The following SPRED1 variants were observed in gnomAD, a reference collection of about 807,000 sequenced individuals.
The protein encoded by SPRED1 is sprouty related EVH1 domain containing 1, also known as sprouty-related, EVH1 domain-containing protein 1.
A neutral mutation model predicts 52.3 loss-of-function variants in SPRED1; 18 were observed. The ratio of observed to expected loss-of-function variants is 0.34; its 90% CI spans 0.24 to 0.51. SPRED1 has a LOEUF of 0.51. Ranked by LOEUF, SPRED1 falls within the 20% of genes least tolerant of loss-of-function variation. The pLI, the probability that SPRED1 is intolerant of heterozygous loss-of-function variation, is 0.97. For missense variants in SPRED1, 485 were observed against 551.0 expected (o/e 0.88, Z 1.20); for synonymous variants, 155 against 179.7 (o/e 0.86, Z 1.10).
intron 2 of SPRED1, among the ~76,000 whole-genome samples, chr15:38,321,114 A>T (rs999824265): frequency 2.0e-5 from 3 of 152,226 alleles, no homozygotes; most frequent in Non-Finnish European, 4.4e-5. Flanking sequence ...TAGGAAATAT[A>T]CTCAAGTGTG....
chr15:38,263,803 G>A (rs1894250330), intron 1 of SPRED1, among the ~76,000 whole-genome samples: 1 of 152,052 alleles, frequency 6.6e-6, no homozygotes, highest in Non-Finnish European at 1.5e-5. Context: ...TAAAGGTAGC[G>A]GATGCGCTAA....
chr15:38,314,649 A>G (rs1895437135), intron 2 of SPRED1, among the ~76,000 whole-genome samples: 3 of 151,926 alleles, frequency 2.0e-5, no homozygotes, highest in Admixed American at 2.0e-4. Flanking sequence ...TGGGAACTGT[A>G]GATACTGGTG....
chr15:38,279,350 A>G (rs780741998), intron 1 of SPRED1, among the ~76,000 whole-genome samples: 1 of 152,254 alleles, frequency 6.6e-6, no homozygotes, highest in Non-Finnish European at 1.5e-5. Context: ...GTCAAAGGCC[A>G]TGATTTATGT....
chr15:38,329,817 A>G (rs1302738275), intron 4 of SPRED1, among the ~76,000 whole-genome samples: 1 of 152,146 alleles, frequency 6.6e-6, no homozygotes, highest in Non-Finnish European at 1.5e-5. Context: ...TCCTTTTAAA[A>G]GCACCATTGG....
chr15:38,310,239 C>G (rs895303066), intron 2 of SPRED1, among the ~76,000 whole-genome samples: 1 of 151,888 alleles, frequency 6.6e-6, no homozygotes, highest in Admixed American at 6.6e-5. Flanking sequence ...CTCCCAGGTT[C>G]AAGCTTTTCT....
chr15:38,344,244 G>A (rs1248068213), intron 5 of SPRED1, among the ~76,000 whole-genome samples: 1 of 152,144 alleles, frequency 6.6e-6, no homozygotes, highest in African/African-American at 2.4e-5. Flanking sequence ...CCTGAACTAA[G>A]TCACTGATTC....
At chr15:38,300,145 G>A (rs1254205979) in intron 2 of SPRED1, among the ~76,000 whole-genome samples, 2 of 151,708 alleles carry the variant, frequency 1.3e-5, no homozygotes, top group Non-Finnish European at 2.9e-5. Context: ...GCAGATGTGT[G>A]GTTTCTTACC....
At chr15:38,339,063 A>G (rs1460512691) in intron 4 of SPRED1, among the ~76,000 whole-genome samples, 1 of 152,098 alleles carries the variant, frequency 6.6e-6, no homozygotes, top group East Asian at 1.9e-4. Flanking sequence ...TTAAAAAATT[A>G]AATGAAACAA....
rs1198484213 is a variant in SPRED1, at chr15:38,273,444, A to T, written c.32+20227A>T. ...AAGATTTATTGTCTGTTAACAACAT[A>T]GAGCTCAGGATCAAATGAATATCAT... On this transcript the variant is annotated intron_variant, in intron 1 of 6. Coordinates refer to ENST00000299084, the MANE Select transcript of SPRED1 (RefSeq NM_152594.3). Among the ~76,000 whole-genome samples, 3 of 151,286 alleles carry T rather than the reference A, an allele frequency of 2.0e-5. No individual in the cohort carries two copies. The East Asian group carries it at 5.8e-4, about 29-fold the overall frequency.
chr15:38,276,980 A>G (rs1894569010), intron 1 of SPRED1, among the ~76,000 whole-genome samples: 3 of 152,196 alleles, frequency 2.0e-5, no homozygotes, highest in Admixed American at 6.5e-5. Flanking sequence ...ATAGCAGGCT[A>G]ATGCTTGGTG....
At chr15:38,329,780 C>T (rs1413058619) in intron 4 of SPRED1, among the ~76,000 whole-genome samples, 2 of 152,090 alleles carry the variant, frequency 1.3e-5, no homozygotes, top group Non-Finnish European at 2.9e-5. Context: ...TTTCTTTCTT[C>T]TGGCATCTTG....
intron 5 of SPRED1, among the ~76,000 whole-genome samples, chr15:38,346,019 G>A (rs752594505): frequency 3.9e-5 from 6 of 152,268 alleles, no homozygotes; most frequent in South Asian, 4.2e-4. Context: ...TCTTTGACTC[G>A]TTTTTTAATG....
rs1303549798 is a variant in SPRED1 at position 38,299,379 on chromosome 15, T to C, written c.39T>C (p.Ser13=). 2 of 1,613,768 alleles carry C rather than the reference T, an allele frequency of 1.2e-6. No homozygotes were observed. The highest frequency in any genetic ancestry group is 1.7e-6 in the Non-Finnish European group (2 of 1,179,854). Residue 13 remains serine (S), a synonymous_variant, in exon 2 of 7, where the codon AGT becomes AGC. Coordinates refer to ENST00000299084, the MANE Select transcript of SPRED1 (RefSeq NM_152594.3). ...ATCTTTGCATCTATTTTAGTAATAGTTATGCACGAGTGCGAGCTGTGGTGA... is the reference window on the plus strand; with the variant it reads ...ATCTTTGCATCTATTTTAGTAATAGCTATGCACGAGTGCGAGCTGTGGTGA... ...EETATSDNDN[S]YARVRAVVMT... is the part of the protein sequence containing the mutation.
chr15:38,315,630 A>T (rs544354874), intron 2 of SPRED1, among the ~76,000 whole-genome samples: 15 of 151,824 alleles, frequency 9.9e-5, no homozygotes, highest in Non-Finnish European at 1.9e-4. Context: ...GATGAAGGAA[A>T]AGGGTTGGAG....
chr15:38,322,059 AT>A (rs1034521094), intron 2 of SPRED1, among the ~76,000 whole-genome samples, 181 bp from the exon 3 acceptor site: 8 of 152,058 alleles, frequency 5.3e-5, no homozygotes, highest in African/African-American at 1.2e-4. Context: ...TATAATGTGC[AT>A]TTTTTTATTC....
At chr15:38,310,717 G>A (rs1895349099) in intron 2 of SPRED1, among the ~76,000 whole-genome samples, 1 of 152,098 alleles carries the variant, frequency 6.6e-6, no homozygotes, top group Non-Finnish European at 1.5e-5. Context: ...ATACCTAAAT[G>A]TTTTGTTTAG....
Position 38,354,332 on chromosome 15 carries a change from C to T in SPRED1, c.*2668C>T, listed in dbSNP as rs1888559212. ...TTTCTTTGTTTTTATCTGATATAAG[C>T]AGATGGCTCAAGACAACTGCTTGAG... On this transcript the variant is annotated 3_prime_UTR_variant, in exon 7 of 7. Transcript: ENST00000299084. 6.6e-6 allele frequency: 1 copy of T among 152,182 alleles called. No individual in the cohort carries two copies. Among genetic ancestry groups the T allele is most frequent in the Admixed American group, 6.5e-5 (1 of 15,282 alleles). 9.4% of individuals were successfully genotyped at this position (152,182 alleles called of 1,614,324 possible).
chr15:38,315,660 C>G (rs1895463179), intron 2 of SPRED1, among the ~76,000 whole-genome samples: 2 of 151,822 alleles, frequency 1.3e-5, no homozygotes, highest in Admixed American at 1.3e-4. Context: ...TTTTTACAGC[C>G]TTTAGAATCC....
At chr15:38,319,617 A>T (rs1895561342) in intron 2 of SPRED1, among the ~76,000 whole-genome samples, 1 of 152,126 alleles carries the variant, frequency 6.6e-6, no homozygotes, top group African/African-American at 2.4e-5. Flanking sequence ...ACCTCAGTTG[A>T]TCCACCCGCC....
Sources: allele counts gnomAD v4.1 joint callset (sites outside exome capture counted in the v4.1 genomes callset), GRCh38; gene constraint gnomAD v4.1.1; transcripts MANE v1.5; gene names NCBI Gene and HGNC (gene_info 2026-07-23, HGNC 2026-07-21).